CNTNAP2: variants seen among roughly 807,000 people sequenced by gnomAD.
CNTNAP2 encodes contactin-associated protein-like 2.
CNTNAP2 carries 98 observed loss-of-function variants against 155.2 expected under a neutral mutation model. The observed-to-expected ratio is 0.63, with a 90% CI of 0.54 to 0.75. The LOEUF (loss-of-function observed/expected upper bound fraction) is 0.75, where lower values mean the gene tolerates loss of function less well. Among genes scored for constraint, CNTNAP2 ranks in the 30% least tolerant of loss-of-function variants. The pLI is 0.00. For missense variants in CNTNAP2, 1,727 were observed against 1,688.1 expected (o/e 1.02, Z -0.40); for synonymous variants, 651 against 631.2 (o/e 1.03, Z -0.47).
At chr7:147,828,777 T>A (rs1005073721) in intron 13 of CNTNAP2, among the ~76,000 whole-genome samples, 1 of 152,220 alleles carries the variant, frequency 6.6e-6, no homozygotes, top group Admixed American at 6.5e-5. Flanking sequence ...TTAAATGTCC[T>A]AGTTTCTCTA....
At chr7:147,137,842 G>A (rs186359696) in intron 8 of CNTNAP2, among the ~76,000 whole-genome samples, 281 of 151,024 alleles carry the variant, frequency 1.9e-3, no homozygotes, top group African/African-American at 6.5e-3. Flanking sequence ...GGATAGATAA[G>A]TAGATAAATG....
intron 1 of CNTNAP2, among the ~76,000 whole-genome samples, chr7:146,619,885 G>T (rs1799289469): frequency 6.6e-6 from 1 of 151,912 alleles, no homozygotes; most frequent in Non-Finnish European, 1.5e-5. Context: ...AGTAAAATAT[G>T]TTTCATTTTT....
chr7:147,274,276 A>G (rs1457695284), intron 8 of CNTNAP2, among the ~76,000 whole-genome samples: 1 of 152,056 alleles, frequency 6.6e-6, no homozygotes, highest in Non-Finnish European at 1.5e-5. Context: ...CACCAATGTT[A>G]TATAAGCATT....
At chr7:147,725,251 C>T (rs1424971315) in intron 13 of CNTNAP2, among the ~76,000 whole-genome samples, 1 of 151,908 alleles carries the variant, frequency 6.6e-6, no homozygotes, top group African/African-American at 2.4e-5. Flanking sequence ...AATTTAAACC[C>T]ATTGTTTAAT....
chr7:147,242,337 A>C (rs1361455749), intron 8 of CNTNAP2, among the ~76,000 whole-genome samples: 1 of 152,214 alleles, frequency 6.6e-6, no homozygotes, highest in Non-Finnish European at 1.5e-5. Flanking sequence ...AGTTTAGACT[A>C]CATTAAGGAC....
chr7:148,133,067 G>T (rs181767287), intron 16 of CNTNAP2, among the ~76,000 whole-genome samples: 1 of 151,970 alleles, frequency 6.6e-6, no homozygotes, highest in Non-Finnish European at 1.5e-5. Flanking sequence ...AATGTGATAA[G>T]GTCATAAGAG....
intron 1 of CNTNAP2, among the ~76,000 whole-genome samples, chr7:146,770,544 T>G (rs746728788): frequency 6.6e-6 from 1 of 152,060 alleles, no homozygotes; most frequent in Non-Finnish European, 1.5e-5. Context: ...ATAATAATTT[T>G]GCAGTCACCT....
At chr7:147,582,882 T>G (rs1257030240) in intron 12 of CNTNAP2, among the ~76,000 whole-genome samples, 2 of 152,128 alleles carry the variant, frequency 1.3e-5, no homozygotes, top group Non-Finnish European at 2.9e-5. Flanking sequence ...TCACATTCAT[T>G]TAACTGCGGA....
intron 1 of CNTNAP2, among the ~76,000 whole-genome samples, chr7:146,710,254 A>G (rs528244124): frequency 6.6e-6 from 1 of 152,336 alleles, no homozygotes; most frequent in South Asian, 2.1e-4. Context: ...GGAATATGAA[A>G]ACAAATGTCA....
chr7:147,564,644 C>A (rs1800131965), intron 12 of CNTNAP2, among the ~76,000 whole-genome samples: 1 of 152,086 alleles, frequency 6.6e-6, no homozygotes, highest in Non-Finnish European at 1.5e-5. Flanking sequence ...ATACATAATT[C>A]TCATATCAAG....
chr7:148,417,091 T>C lies in CNTNAP2; in HGVS notation c.*1475T>C, dbSNP rs562562280. 2 of 152,318 alleles carry C rather than the reference T, an allele frequency of 1.3e-5. No individual in the cohort carries two copies. The highest frequency in any genetic ancestry group is 4.1e-4 in the South Asian group (2 of 4,830). 9.4% of individuals were successfully genotyped at this position (152,318 alleles called of 1,614,324 possible). ...AGCCTCTTATACTTAATAAGCACTT[T>C]CTAAAAAGTCTTGAGATCCCACCAT... On this transcript the variant is annotated 3_prime_UTR_variant, in exon 24 of 24. Coordinates refer to ENST00000361727, the MANE Select transcript of CNTNAP2 (RefSeq NM_014141.6).
At chr7:146,826,956 G>A (rs1585110129) in intron 2 of CNTNAP2, among the ~76,000 whole-genome samples, 1 of 151,588 alleles carries the variant, frequency 6.6e-6, no homozygotes, top group Non-Finnish European at 1.5e-5. Flanking sequence ...CTGCTCTGGA[G>A]AAGTCTAATT....
chr7:147,523,399 C>T lies in CNTNAP2; in HGVS notation c.1777+37358C>T, dbSNP rs374362354. Reference sequence around the variant, plus strand: ...TGGAAATGACATTTCATCACTTCACCGTATTGTATTCTTTGGAAGCAAGTC... The same window carrying T: ...TGGAAATGACATTTCATCACTTCACTGTATTGTATTCTTTGGAAGCAAGTC... On this transcript the variant is annotated intron_variant, in intron 11 of 23. Coordinates refer to ENST00000361727, the MANE Select transcript of CNTNAP2 (RefSeq NM_014141.6). 1.6e-3 allele frequency among the ~76,000 whole-genome samples: 237 copies of T among 152,214 alleles called. 1 individual carries two copies. The highest frequency in any genetic ancestry group is 6.8e-3 in the Middle Eastern group (2 of 294).
intron 9 of CNTNAP2, among the ~76,000 whole-genome samples, chr7:147,348,458 G>A (rs542215810): frequency 2.6e-4 from 39 of 151,774 alleles, no homozygotes; most frequent in Middle Eastern, 3.4e-3. Context: ...TTATCGCACC[G>A]TCAGTAGGAG....
chr7:147,849,608 A>C (rs1262362573), intron 13 of CNTNAP2, among the ~76,000 whole-genome samples: 1 of 152,238 alleles, frequency 6.6e-6, no homozygotes, highest in African/African-American at 2.4e-5. Flanking sequence ...CCATTTGTAC[A>C]GTAGAAACAT....
intron 9 of CNTNAP2, among the ~76,000 whole-genome samples, chr7:147,358,833 A>T (rs532055915): frequency 3.9e-4 from 59 of 152,222 alleles, no homozygotes; most frequent in African/African-American, 1.4e-3. Context: ...AAACCTATTC[A>T]TGTACTCCCT....
intron 1 of CNTNAP2, among the ~76,000 whole-genome samples, chr7:146,737,840 A>G (rs1354943890): frequency 6.6e-6 from 1 of 151,962 alleles, no homozygotes; most frequent in Non-Finnish European, 1.5e-5. Flanking sequence ...TAATGGGTGA[A>G]TTGTATTCTA....
intron 9 of CNTNAP2, among the ~76,000 whole-genome samples, chr7:147,356,410 A>G (rs1041572182): frequency 1.3e-5 from 2 of 152,120 alleles, no homozygotes; most frequent in African/African-American, 2.4e-5. Context: ...CCTATTCAAC[A>G]TAGTGTTGGA....
At chr7:147,972,881 C>T (rs1349498075) in intron 14 of CNTNAP2, among the ~76,000 whole-genome samples, 1 of 152,000 alleles carries the variant, frequency 6.6e-6, no homozygotes, top group Non-Finnish European at 1.5e-5. Flanking sequence ...TTCAGAGGAC[C>T]CCTCTCCAGA....
Sources: allele counts gnomAD v4.1 joint callset (sites outside exome capture counted in the v4.1 genomes callset), GRCh38; gene constraint gnomAD v4.1.1; transcripts MANE v1.5; gene names NCBI Gene and HGNC (gene_info 2026-07-23, HGNC 2026-07-21).